PDE1A: variants seen among roughly 807,000 people sequenced by gnomAD.
The protein encoded by PDE1A is dual specificity calcium/calmodulin-dependent 3',5'-cyclic nucleotide phosphodiesterase 1A.
A neutral mutation model predicts 61.7 loss-of-function variants in PDE1A; 35 were observed. The observed-to-expected ratio is 0.57, with a 90% CI of 0.43 to 0.75. PDE1A has a LOEUF of 0.75. PDE1A is among the 30% of genes least tolerant of loss of function. The pLI, the probability that PDE1A is intolerant of heterozygous loss-of-function variation, is 0.00. For synonymous variants in PDE1A, 232 were observed against 213.2 expected (o/e 1.09, Z -0.77); for missense variants, 597 against 630.6 (o/e 0.95, Z 0.57).
At position 182,319,320 on chromosome 2, in the gene PDE1A, A is replaced by G. The variant is rs1336819313; in HGVS notation, c.54-54906T>C. Among the ~76,000 whole-genome samples, 2 of 152,170 alleles carry G rather than the reference A, an allele frequency of 1.3e-5. 1 individual carries two copies. The highest frequency in any genetic ancestry group is 6.3e-3 in the Middle Eastern group (2 of 316). ...ACTGTTAACTTTGACATGGATGATG[A>G]AATTTATAGGGAACAAAAGAGATTT... On this transcript the variant is annotated intron_variant, in intron 1 of 13. Coordinates refer to ENST00000351439, the Ensembl canonical transcript of PDE1A.
the PDE1A span, among the ~76,000 whole-genome samples, chr2:182,608,341 CGGCGCCTCCTCGGCCTT>C: frequency 6.6e-6 from 1 of 152,272 alleles, no homozygotes; most frequent in Non-Finnish European, 1.5e-5. Flanking sequence ...GGCTCGCTCT[CGGCGCCTCCTCGGCCTT>C]GGCGCCCACT....
At chr2:182,681,945 C>T in the PDE1A span, among the ~76,000 whole-genome samples, 2 of 152,176 alleles carry the variant, frequency 1.3e-5, no homozygotes, top group African/African-American at 4.8e-5. Flanking sequence ...CATGCCCGGC[C>T]TACTCTTTCT....
chr2:182,379,842 G>A (rs1419290176), intron 1 of PDE1A, among the ~76,000 whole-genome samples: 2 of 152,086 alleles, frequency 1.3e-5, no homozygotes, highest in Non-Finnish European at 2.9e-5. Flanking sequence ...TTCCATCCTT[G>A]ATGGTCCAGG....
At chr2:182,549,951 C>T in the PDE1A span, among the ~76,000 whole-genome samples, 2 of 152,140 alleles carry the variant, frequency 1.3e-5, no homozygotes, top group East Asian at 1.9e-4. Context: ...TTATGTCTTA[C>T]TTAGCTTTTC....
chr2:182,190,613 A>G (rs1480468454), intron 10 of PDE1A, among the ~76,000 whole-genome samples: 1 of 152,162 alleles, frequency 6.6e-6, no homozygotes, highest in Admixed American at 6.6e-5. Context: ...ATTTATATGA[A>G]GCATAAAGAC....
chr2:182,615,275 C>T, the PDE1A span, among the ~76,000 whole-genome samples: 1 of 152,038 alleles, frequency 6.6e-6, no homozygotes. Context: ...CATTTGACTC[C>T]TCCTGGTATA....
At chr2:182,521,789 A>AT (rs1690584390) in intron 2 of PDE1A, among the ~76,000 whole-genome samples, 1 of 152,114 alleles carries the variant, frequency 6.6e-6, no homozygotes, top group South Asian at 2.1e-4. Context: ...TCACGTAAAC[A>AT]TTTTTTCTTA....
At chr2:182,202,582 A>C (rs1232282806) in intron 8 of PDE1A, among the ~76,000 whole-genome samples, 1 of 152,192 alleles carries the variant, frequency 6.6e-6, no homozygotes. Flanking sequence ...AAGAGGTCCC[A>C]CTTCCAAAGC....
At chr2:182,453,447 C>A (rs1029300310) in intron 2 of PDE1A, among the ~76,000 whole-genome samples, 1 of 151,730 alleles carries the variant, frequency 6.6e-6, no homozygotes, top group African/African-American at 2.4e-5. Flanking sequence ...AAAAAAAAAT[C>A]TGTGTGCAGG....
chr2:182,645,025 G>C, the PDE1A span, among the ~76,000 whole-genome samples: 5 of 130,908 alleles, frequency 3.8e-5, no homozygotes, highest in African/African-American at 1.5e-4. Flanking sequence ...TCGCTCTGTT[G>C]CCCAGGCTGG....
chr2:182,415,824 G>T (rs1702881540), intron 1 of PDE1A, among the ~76,000 whole-genome samples: 1 of 152,056 alleles, frequency 6.6e-6, no homozygotes, highest in Non-Finnish European at 1.5e-5. Flanking sequence ...TGGAAATCAT[G>T]GGTATTAAAT....
the PDE1A span, among the ~76,000 whole-genome samples, chr2:182,528,869 G>A: frequency 6.6e-6 from 1 of 152,216 alleles, no homozygotes; most frequent in Non-Finnish European, 1.5e-5. Flanking sequence ...GCCTACAAGT[G>A]CACAGAAATC....
chr2:182,282,403 T>C (rs142453427), intron 1 of PDE1A, among the ~76,000 whole-genome samples: 7 of 152,122 alleles, frequency 4.6e-5, no homozygotes, highest in African/African-American at 1.7e-4. Flanking sequence ...ACATCTTCCC[T>C]AAGAAAAACT....
At chr2:182,689,706 C>T in the PDE1A span, among the ~76,000 whole-genome samples, 3 of 151,940 alleles carry the variant, frequency 2.0e-5, no homozygotes, top group Non-Finnish European at 4.4e-5. Context: ...GATAGAGACA[C>T]AAAAAACCCT....
chr2:182,271,900 C>T (rs1398546208), intron 1 of PDE1A, among the ~76,000 whole-genome samples: 1 of 151,672 alleles, frequency 6.6e-6, no homozygotes, highest in Non-Finnish European at 1.5e-5. Context: ...AAACAAAAAA[C>T]TTTGAGAAAA....
intron 1 of PDE1A, among the ~76,000 whole-genome samples, chr2:182,376,277 C>A (rs180877948): frequency 6.6e-6 from 1 of 152,186 alleles, no homozygotes; most frequent in Non-Finnish European, 1.5e-5. Flanking sequence ...AAATTGAATG[C>A]CTTTAACAGC....
At chr2:182,481,567 T>C (rs1410893073) in intron 2 of PDE1A, among the ~76,000 whole-genome samples, 1 of 151,856 alleles carries the variant, frequency 6.6e-6, no homozygotes, top group African/African-American at 2.4e-5. Flanking sequence ...TAGAGAAACA[T>C]GAAGGAATTT....
chr2:182,552,472 T>C, the PDE1A span, among the ~76,000 whole-genome samples: 3 of 114,952 alleles, frequency 2.6e-5, no homozygotes, highest in Non-Finnish European at 5.6e-5. Flanking sequence ...TGAAACAGAG[T>C]GTCGCTCTGT....
chr2:182,235,785 C>T (rs184218986), intron 3 of PDE1A, among the ~76,000 whole-genome samples: 192 of 152,252 alleles, frequency 1.3e-3, no homozygotes, highest in African/African-American at 4.4e-3. Flanking sequence ...TTAAATATAA[C>T]GATAAATATG....
Sources: allele counts gnomAD v4.1 joint callset (sites outside exome capture counted in the v4.1 genomes callset), GRCh38; gene constraint gnomAD v4.1.1; transcripts MANE v1.5; gene names NCBI Gene and HGNC (gene_info 2026-07-23, HGNC 2026-07-21).